OSBPL2: variants seen among roughly 807,000 people sequenced by gnomAD.
OSBPL2 encodes the protein oxysterol binding protein like 2, also known as oxysterol-binding protein-related protein 2.
OSBPL2 carries 18 observed loss-of-function variants against 58.4 expected under a neutral mutation model. The ratio of observed to expected loss-of-function variants is 0.31; its 90% CI spans 0.21 to 0.46. OSBPL2 has a LOEUF of 0.46. OSBPL2 is among the 20% of genes least tolerant of loss of function. The pLI is 1.00. For synonymous variants in OSBPL2, 221 were observed against 234.1 expected (o/e 0.94, Z 0.51); for missense variants, 461 against 616.5 (o/e 0.75, Z 2.67).
chr20:62,280,497 C>A (rs1241631683), intron 7 of OSBPL2, among the ~76,000 whole-genome samples: 1 of 152,256 alleles, frequency 6.6e-6, no homozygotes, highest in Non-Finnish European at 1.5e-5. Flanking sequence ...GCAAAATACC[C>A]TGCTCTGAGC....
Position 62,281,878 on chromosome 20 carries a change from AAGT to A in OSBPL2, c.872+2_872+4del. On this transcript the variant is annotated splice_donor_variant and coding_sequence_variant, in exon 9 of 14. Coordinates refer to ENST00000313733, the MANE Select transcript of OSBPL2 (RefSeq NM_144498.4). LOFTEE classifies it high-confidence loss of function. ...GGTGGAAGGACACATTCAAGACAAA[AAGT>A]AGGTCCTTGCCAAGTGTTCATGGGG... is the stretch of plus-strand genomic sequence containing the variant. The A allele has an allele frequency of 1.2e-6, 2 of 1,606,972 alleles. No individual in the cohort carries two copies. The highest frequency in any genetic ancestry group is 1.7e-6 in the Non-Finnish European group (2 of 1,173,664).
chr20:62,239,030 G>C (rs989421297), intron 1 of OSBPL2: 1 of 152,136 alleles, frequency 6.6e-6, no homozygotes, highest in Admixed American at 6.5e-5. Context: ...CCGGGAACAG[G>C]GAAGGATTTC....
chr20:62,241,147 C>A (rs1047316541), intron 1 of OSBPL2, among the ~76,000 whole-genome samples: 1 of 152,084 alleles, frequency 6.6e-6, no homozygotes, highest in Admixed American at 6.6e-5. Flanking sequence ...CTGTGCCGTC[C>A]AGGAGATGCC....
intron 7 of OSBPL2, chr20:62,280,315 T>TG (rs1490038187): frequency 2.0e-5 from 7 of 352,590 alleles, no homozygotes; most frequent in African/African-American, 1.3e-4. Flanking sequence ...GAGTGTGTCC[T>TG]GGGGCTGGTA....
rs1458935252 is a variant in OSBPL2 at position 62,269,698 on chromosome 20, G to A, written c.259-2427G>A. Reference sequence around the variant, plus strand: ...CTGGTCTGGAATGTAAATTGCAAATGCTCCCCCATCTGTCTGCTTTTCTGC... The same window carrying A: ...CTGGTCTGGAATGTAAATTGCAAATACTCCCCCATCTGTCTGCTTTTCTGC... On this transcript the variant is annotated intron_variant, in intron 4 of 13. Transcript: ENST00000313733. This position sits in a 1 kb window ranked among gnomAD's most constrained non-coding sequence, Gnocchi z 4.2. 6.6e-6 allele frequency among the ~76,000 whole-genome samples: 1 copy of A among 152,202 alleles called. No homozygotes were observed. The highest frequency in any genetic ancestry group is 2.4e-5 in the African/African-American group (1 of 41,444).
At chr20:62,249,464 C>G (rs913722789) in intron 1 of OSBPL2, among the ~76,000 whole-genome samples, 2 of 152,268 alleles carry the variant, frequency 1.3e-5, no homozygotes, top group East Asian at 3.8e-4. Context: ...GAAATAAACT[C>G]TGCCTTCCTA....
intron 12 of OSBPL2, 46 bp from the exon 13 acceptor site, chr20:62,291,657 G>A (rs1421301921): frequency 1.5e-5 from 23 of 1,533,008 alleles, no homozygotes; most frequent in African/African-American, 6.8e-5. Flanking sequence ...GGCGGGGTGC[G>A]GTTCTAAGGT....
chr20:62,238,808 G>C (rs1230249467), intron 1 of OSBPL2: 1 of 151,774 alleles, frequency 6.6e-6, no homozygotes, highest in African/African-American at 2.4e-5. Context: ...TGGCGCCCCG[G>C]GGAAACTTTG....
chr20:62,279,020 G>C, intron 6 of OSBPL2, 137 bp from the exon 7 acceptor site: 1 of 668,036 alleles, frequency 1.5e-6, no homozygotes, highest in Non-Finnish European at 2.5e-6. Context: ...GTGGTGTTGG[G>C]TGTTTCCGCC....
At chr20:62,270,630 A>G (rs1464497519) in intron 4 of OSBPL2, among the ~76,000 whole-genome samples, 2 of 6,334 alleles carry the variant, frequency 3.2e-4, no homozygotes, top group Non-Finnish European at 5.4e-4. Flanking sequence ...GTCCTCTCTG[A>G]CCTCTCTGGG....
intron 6 of OSBPL2, among the ~76,000 whole-genome samples, chr20:62,276,806 T>G (rs539109492): frequency 1.3e-5 from 2 of 152,322 alleles, no homozygotes; most frequent in Admixed American, 6.5e-5. Context: ...TCTGAATTCA[T>G]GTAGAGTGTG....
intron 9 of OSBPL2, among the ~76,000 whole-genome samples, chr20:62,283,368 T>C (rs6062190): frequency 0.98 from 149,939 of 152,290 alleles, 73,847 homozygotes; most frequent in East Asian, 1. Context: ...GGGTCCCGAG[T>C]CTGTCAGAGT....
chr20:62,247,345 G>T (rs1425888576), intron 1 of OSBPL2, among the ~76,000 whole-genome samples: 1 of 152,234 alleles, frequency 6.6e-6, no homozygotes, highest in East Asian at 1.9e-4. Context: ...GTGGCCTCTT[G>T]TGGAGCAGAA....
chr20:62,250,926 A>AAAAT (rs545446686), intron 1 of OSBPL2, among the ~76,000 whole-genome samples: 471 of 152,238 alleles, frequency 3.1e-3, no homozygotes, highest in South Asian at 8.1e-3. Flanking sequence ...CCTGTCTCCA[A>AAAAT]AAATAAATAA....
At chr20:62,277,651 C>A (rs1226392303) in intron 6 of OSBPL2, among the ~76,000 whole-genome samples, 2 of 152,214 alleles carry the variant, frequency 1.3e-5, no homozygotes, top group Admixed American at 1.3e-4. Flanking sequence ...GACAAGTATT[C>A]ATTTTGTAAA....
chr20:62,271,462 T>C (rs1010589622), intron 4 of OSBPL2, among the ~76,000 whole-genome samples: 1 of 151,630 alleles, frequency 6.6e-6, no homozygotes, highest in Non-Finnish European at 1.5e-5. Context: ...CTCTGTTTTT[T>C]TGTTTTTGAG....
At chr20:62,251,865 C>T (rs1445459498) in intron 1 of OSBPL2, among the ~76,000 whole-genome samples, 1 of 41,738 alleles carries the variant, frequency 2.4e-5, no homozygotes, top group Admixed American at 4.4e-4. Context: ...ATTGGTATGC[C>T]TTTTTTTTTT....
rs199711719 is a variant in OSBPL2, at chr20:62,289,193, G to A, written c.1126-14G>A. 1 of 1,613,362 alleles carries A rather than the reference G, an allele frequency of 6.2e-7. No homozygotes were observed. The highest frequency in any genetic ancestry group is 8.5e-7 in the Non-Finnish European group (1 of 1,179,656). On this transcript the variant is annotated splice_polypyrimidine_tract_variant and intron_variant, in intron 11 of 13. Transcript: ENST00000313733. Reference sequence around the variant, plus strand: ...GGCCCTGCTGAGGTCGTGTCTCTGTGCCTTGCTCCACAGATGTATAATTTC... The same window carrying A: ...GGCCCTGCTGAGGTCGTGTCTCTGTACCTTGCTCCACAGATGTATAATTTC...
At chr20:62,271,454 C>A (rs895760944) in intron 4 of OSBPL2, among the ~76,000 whole-genome samples, 12 of 152,092 alleles carry the variant, frequency 7.9e-5, no homozygotes, top group Non-Finnish European at 1.5e-4. Context: ...GACCACTACT[C>A]TGTTTTTTTG....
Sources: allele counts gnomAD v4.1 joint callset (sites outside exome capture counted in the v4.1 genomes callset), GRCh38; gene constraint gnomAD v4.1.1; non-coding constraint Gnocchi (gnomAD v3.1); transcripts MANE v1.5; gene names NCBI Gene and HGNC (gene_info 2026-07-23, HGNC 2026-07-21).